The following ERC1 variants were observed in gnomAD, a reference collection of about 807,000 sequenced individuals.
ERC1 encodes the protein ELKS/RAB6-interacting/CAST family member 1, also known as RAB6 interacting protein 2.
Under a neutral mutation model 132.0 loss-of-function variants are expected in ERC1, and 56 were observed. The observed-to-expected ratio is 0.42, with a 90% CI of 0.34 to 0.53. The LOEUF (loss-of-function observed/expected upper bound fraction) is 0.53, where lower values mean the gene tolerates loss of function less well. Among genes scored for constraint, ERC1 ranks in the 20% least tolerant of loss-of-function variants. The pLI is 0.03. For missense variants in ERC1, 1,202 were observed against 1,349.9 expected, an observed-to-expected ratio of 0.89 and a Z score of 1.72; for synonymous variants, 478 against 476.1, an observed-to-expected ratio of 1.00 and a Z score of -0.05.
At chr12:1,412,063 A>G (rs1251570585) in intron 17 of ERC1, among the ~76,000 whole-genome samples, 1 of 152,264 alleles carries the variant, frequency 6.6e-6, no homozygotes, top group Non-Finnish European at 1.5e-5. Context: ...TTAGCCAGCC[A>G]TAACTGGCGT....
chr12:1,440,468 A>G (rs531316302), intron 17 of ERC1, among the ~76,000 whole-genome samples: 1 of 146,452 alleles, frequency 6.8e-6, no homozygotes, highest in East Asian at 2.0e-4. Flanking sequence ...GGCCTCCCAA[A>G]GTGCTGCGAT....
At position 1,432,195 on chromosome 12, in the gene ERC1, C is replaced by T. The variant is rs117169978; in HGVS notation, c.3025-12367C>T. ...GCAAACTGTGTACTTCCTGCCAAAA[C>T]AATCCACCTCTGCTGTTGTAGTGTG... On this transcript the variant is annotated intron_variant, in intron 17 of 18. Coordinates refer to ENST00000360905, the MANE Select transcript of ERC1 (RefSeq NM_178040.4). Among the ~76,000 whole-genome samples, 156 of 152,346 alleles carry T rather than the reference C, an allele frequency of 1.0e-3. 1 individual carries two copies. The highest frequency in any genetic ancestry group is 1.7e-3 in the Non-Finnish European group (115 of 68,022).
rs772419354 is a variant in ERC1 at position 1,276,609 on chromosome 12, G to A, written c.2620-13243G>A. ...TTTAATAACACTGCATTATTATTAC[G>A]TATTTACTACCTATTGCTTTAAGAG... On this transcript the variant is annotated intron_variant, in intron 14 of 18. Coordinates refer to ENST00000360905, the MANE Select transcript of ERC1 (RefSeq NM_178040.4). 3.6e-4 allele frequency among the ~76,000 whole-genome samples: 54 copies of A among 151,010 alleles called. 1 individual carries two copies. The highest frequency in any genetic ancestry group is 7.9e-4 in the Admixed American group (12 of 15,142).
intron 2 of ERC1, among the ~76,000 whole-genome samples, chr12:1,028,821 C>T (rs1967385110): frequency 6.7e-6 from 1 of 148,968 alleles, no homozygotes; most frequent in African/African-American, 2.5e-5. Context: ...TTCTCTTTCT[C>T]TTCGTGTCTT....
chr12:997,203 C>A (rs1377837210), intron 1 of ERC1, among the ~76,000 whole-genome samples: 2 of 152,208 alleles, frequency 1.3e-5, no homozygotes, highest in Non-Finnish European at 2.9e-5. Context: ...CTGCTAGGAT[C>A]AAACATGGAT....
intron 16 of ERC1, among the ~76,000 whole-genome samples, chr12:1,406,311 T>C (rs1020279395): frequency 2.0e-5 from 3 of 147,964 alleles, no homozygotes; most frequent in Admixed American, 1.3e-4. Context: ...CATATCTCTG[T>C]AAATTTTTTT....
chr12:1,126,423 C>A (rs1342784325), intron 7 of ERC1, among the ~76,000 whole-genome samples: 2 of 151,954 alleles, frequency 1.3e-5, no homozygotes, highest in Non-Finnish European at 2.9e-5. Flanking sequence ...ACTGACATAC[C>A]ATATGGAGAA....
At position 1,493,542 on chromosome 12, in the gene ERC1, A is replaced by ATATATATATATAT. The variant is rs1555139579; in HGVS notation, c.*3312_*3313insTATATATATATAT. The ATATATATATATAT allele has an allele frequency of 1.0e-3, 24 of 23,420 alleles. No homozygotes were observed. The highest frequency in any genetic ancestry group is 2.6e-3 in the South Asian group (1 of 390). 1.5% of individuals were successfully genotyped at this position (23,420 alleles called of 1,614,324 possible). ...ACAGAGACTCCATTTAAAAAAAAAA[A>ATATATATATATAT]AAAAAAATATATATATATATATATA... On this transcript the variant is annotated 3_prime_UTR_variant, in exon 19 of 19. Coordinates refer to ENST00000360905, the MANE Select transcript of ERC1 (RefSeq NM_178040.4).
At chr12:1,112,061 C>G (rs1945939630) in intron 5 of ERC1, among the ~76,000 whole-genome samples, 154 bp from the exon 6 acceptor site, 1 of 145,238 alleles carries the variant, frequency 6.9e-6, no homozygotes, top group Admixed American at 6.9e-5. Context: ...AACTTAGAAA[C>G]TACCTATGGC....
intron 15 of ERC1, among the ~76,000 whole-genome samples, chr12:1,293,716 A>G (rs2154341657): frequency 6.6e-6 from 1 of 152,222 alleles, no homozygotes; most frequent in African/African-American, 2.4e-5. Context: ...ATTAACCACA[A>G]AATTGTAAAT....
chr12:1,095,397 C>CAAA (rs59513840), intron 3 of ERC1, among the ~76,000 whole-genome samples: 2,875 of 132,730 alleles, frequency 0.022, 78 homozygotes, highest in South Asian at 0.11. Context: ...GCCACTGCAC[C>CAAA]AAAAAAAAAA....
chr12:1,369,798 G>A (rs1413616086), intron 15 of ERC1, among the ~76,000 whole-genome samples: 2 of 152,060 alleles, frequency 1.3e-5, no homozygotes, highest in East Asian at 1.9e-4. Flanking sequence ...CGTAGTGTGG[G>A]GACAGTGCGA....
chr12:998,949 T>A (rs984443350), intron 1 of ERC1, among the ~76,000 whole-genome samples: 2 of 142,818 alleles, frequency 1.4e-5, no homozygotes, highest in Non-Finnish European at 3.0e-5. Context: ...AACCTCCGCC[T>A]CCTGGGTTCA....
intron 8 of ERC1, among the ~76,000 whole-genome samples, chr12:1,159,122 A>G (rs1284530521): frequency 1.3e-5 from 2 of 152,156 alleles, no homozygotes; most frequent in African/African-American, 4.8e-5. Context: ...GAATGAATTG[A>G]TTTCCTCTCA....
chr12:1,146,115 A>G (rs1239262626), intron 8 of ERC1, among the ~76,000 whole-genome samples: 1 of 151,898 alleles, frequency 6.6e-6, no homozygotes, highest in Non-Finnish European at 1.5e-5. Flanking sequence ...AAGAATGATG[A>G]TGGTATTTTG....
chr12:1,494,374 A>G lies in ERC1; in HGVS notation c.*4144A>G, dbSNP rs1198869141. 4.3e-6 allele frequency: 1 copy of G among 231,838 alleles called. No individual in the cohort carries two copies. Among genetic ancestry groups the G allele is most frequent in the Non-Finnish European group, 8.5e-6 (1 of 117,258 alleles). 14.4% of individuals were successfully genotyped at this position (231,838 alleles called of 1,614,324 possible). The stretch of plus-strand genomic sequence containing the variant: ...ATCTGGAGTTTCCCCCATGCAAATT[A>G]GGGAAGAATTAGGCAAGAAAAGACA... On this transcript the variant is annotated 3_prime_UTR_variant, in exon 19 of 19. Coordinates refer to ENST00000360905, the MANE Select transcript of ERC1 (RefSeq NM_178040.4).
chr12:1,128,357 G>C (rs1948419305), intron 7 of ERC1, among the ~76,000 whole-genome samples: 1 of 152,152 alleles, frequency 6.6e-6, no homozygotes, highest in Non-Finnish European at 1.5e-5. Context: ...TGACTATTGA[G>C]AGCAAAAGCT....
At chr12:1,330,684 C>T (rs923366129) in intron 15 of ERC1, among the ~76,000 whole-genome samples, 5 of 152,058 alleles carry the variant, frequency 3.3e-5, no homozygotes, top group Non-Finnish European at 5.9e-5. Context: ...TTACACAGGA[C>T]ATGCAGCCAT....
rs74728504 is a variant in ERC1, at chr12:1,064,810, A to G, written c.670-18354A>G. The stretch of plus-strand genomic sequence containing the variant: ...TGAATACCAAAGATTCGAGGGATAT[A>G]TGCCTGTATCTCTGCTGAGACTTCG... On this transcript the variant is annotated intron_variant, in intron 2 of 18. Transcript: ENST00000360905. Among the ~76,000 whole-genome samples, 1,456 of 152,286 alleles carry G rather than the reference A, an allele frequency of 9.6e-3. 20 individuals are homozygous for G. The highest frequency in any genetic ancestry group is 0.033 in the African/African-American group (1,385 of 41,554).
Sources: gnomAD v4.1 joint callset for allele counts (sites outside exome capture counted in the v4.1 genomes callset) on GRCh38, gnomAD v4.1.1 for gene constraint, MANE v1.5 for transcripts, NCBI Gene and HGNC (gene_info 2026-07-23, HGNC 2026-07-21) for gene names.